SIK3: variants seen among roughly 807,000 people sequenced by gnomAD.
The protein encoded by SIK3 is serine/threonine-protein kinase SIK3.
In SIK3, 28 loss-of-function variants were observed where a neutral mutation model predicts 144.2. The ratio of observed to expected loss-of-function variants is 0.19; its 90% CI spans 0.14 to 0.27. SIK3 has a LOEUF of 0.27. Ranked by LOEUF, SIK3 falls within the 10% of genes least tolerant of loss-of-function variation. The pLI is 1.00. For missense variants in SIK3, 1,319 were observed against 1,776.0 expected (o/e 0.74, Z 4.62); for synonymous variants, 686 against 676.3 (o/e 1.01, Z -0.22).
intron 1 of SIK3, among the ~76,000 whole-genome samples, chr11:117,035,353 C>T (rs1352304652): frequency 2.0e-5 from 3 of 152,148 alleles, no homozygotes; most frequent in Non-Finnish European, 4.4e-5. Context: ...TCAACAATCA[C>T]TCCAAACTAA....
chr11:116,957,356 C>T (rs908204746), intron 1 of SIK3, among the ~76,000 whole-genome samples: 6 of 152,196 alleles, frequency 3.9e-5, no homozygotes, highest in Middle Eastern at 3.4e-3. Context: ...CCATAGATGT[C>T]GTTACGGTCT....
At chr11:117,002,178 A>G (rs1330152203) in intron 1 of SIK3, among the ~76,000 whole-genome samples, 1 of 152,232 alleles carries the variant, frequency 6.6e-6, no homozygotes, top group Non-Finnish European at 1.5e-5. Flanking sequence ...AAATCTAGAA[A>G]ACTTCTAGAC....
intron 1 of SIK3, among the ~76,000 whole-genome samples, chr11:117,043,674 A>ACTGTT (rs1952839805): frequency 6.6e-6 from 1 of 152,192 alleles, no homozygotes; most frequent in Non-Finnish European, 1.5e-5. Context: ...ATTCAACTGA[A>ACTGTT]CTGTTCAGCC....
chr11:116,887,689 A>C (rs944513531), intron 6 of SIK3, among the ~76,000 whole-genome samples: 6 of 152,122 alleles, frequency 3.9e-5, no homozygotes, highest in African/African-American at 1.4e-4. Flanking sequence ...ATTCAAAAAC[A>C]CTTACTGAAT....
At chr11:117,092,623 C>A (rs1955297388) in intron 1 of SIK3, among the ~76,000 whole-genome samples, 1 of 152,128 alleles carries the variant, frequency 6.6e-6, no homozygotes, top group South Asian at 2.1e-4. Context: ...ACTCCAGACC[C>A]TAGAATGGAA....
intron 1 of SIK3, among the ~76,000 whole-genome samples, chr11:116,972,161 A>T (rs1949786046): frequency 1.3e-5 from 2 of 152,110 alleles, no homozygotes; most frequent in African/African-American, 4.8e-5. Flanking sequence ...TGGAGTAGGT[A>T]CTATTATTCT....
intron 1 of SIK3, among the ~76,000 whole-genome samples, chr11:117,008,142 AG>A (rs1013053895): frequency 1.2e-4 from 18 of 152,046 alleles, no homozygotes; most frequent in African/African-American, 3.9e-4. Flanking sequence ...GTCTAACTGA[AG>A]AAAAAGCCTA....
At chr11:117,012,702 G>C (rs1001577436) in intron 1 of SIK3, among the ~76,000 whole-genome samples, 1 of 152,008 alleles carries the variant, frequency 6.6e-6, no homozygotes, top group Non-Finnish European at 1.5e-5. Flanking sequence ...GTCAACAAAA[G>C]GTTCTCTGTC....
At chr11:117,084,704 G>A (rs938257075) in intron 1 of SIK3, among the ~76,000 whole-genome samples, 8 of 152,064 alleles carry the variant, frequency 5.3e-5, no homozygotes, top group Admixed American at 1.3e-4. Flanking sequence ...AAGGAGATAC[G>A]TTTCTATGAA....
chr11:117,073,686 TTAACTATATAA>T (rs746250221), intron 1 of SIK3, among the ~76,000 whole-genome samples: 5 of 152,188 alleles, frequency 3.3e-5, no homozygotes, highest in Non-Finnish European at 7.3e-5. Flanking sequence ...CCAAATAGTA[TTAACTATATAA>T]TGAAAGCATG....
At chr11:116,971,826 C>T (rs1032575242) in intron 1 of SIK3, among the ~76,000 whole-genome samples, 7 of 152,054 alleles carry the variant, frequency 4.6e-5, no homozygotes, top group African/African-American at 1.7e-4. Flanking sequence ...TGGTGGCTCA[C>T]GCCTGTAATC....
intron 1 of SIK3, among the ~76,000 whole-genome samples, chr11:117,077,103 C>G (rs778755554): frequency 6.6e-6 from 1 of 152,204 alleles, no homozygotes; most frequent in Non-Finnish European, 1.5e-5. Flanking sequence ...TGACTGTGAG[C>G]TACAATCACA....
At chr11:116,902,346 C>G (rs1945779206) in intron 4 of SIK3, among the ~76,000 whole-genome samples, 1 of 152,190 alleles carries the variant, frequency 6.6e-6, no homozygotes, top group South Asian at 2.1e-4. Flanking sequence ...GGTGAAGGCA[C>G]AAACCTAATA....
At chr11:116,992,445 C>T (rs1565534794) in intron 1 of SIK3, among the ~76,000 whole-genome samples, 1 of 151,746 alleles carries the variant, frequency 6.6e-6, no homozygotes, top group Non-Finnish European at 1.5e-5. Flanking sequence ...ATATCCCATA[C>T]ACTCTACAGC....
At position 116,844,623 on chromosome 11, in the gene SIK3, A is replaced by ATGTG. The variant is rs1350325939; in HGVS notation, c.*1019_*1020insCACA. 766 of 55,260 alleles carry ATGTG rather than the reference A, an allele frequency of 0.014. 21 individuals carry two copies. Among genetic ancestry groups the ATGTG allele is most frequent in the African/African-American group, 0.032 (710 of 22,184 alleles). 3.4% of individuals were successfully genotyped at this position (55,260 alleles called of 1,614,324 possible). ...TATATATATATTATATATATAATAT[A>ATGTG]TATATAATATATTATATTATATATT... On this transcript the variant is annotated 3_prime_UTR_variant, in exon 25 of 25. Transcript: ENST00000445177.
At chr11:116,953,600 A>G (rs896238665) in intron 3 of SIK3, among the ~76,000 whole-genome samples, 1 of 152,252 alleles carries the variant, frequency 6.6e-6, no homozygotes, top group African/African-American at 2.4e-5. Context: ...ATGGTAAATA[A>G]TATAGTTACA....
Position 117,020,692 on chromosome 11 carries a change from G to C in SIK3, c.274-63628C>G, listed in dbSNP as rs150486265. Among the ~76,000 whole-genome samples, 8 of 152,278 alleles carry C rather than the reference G, an allele frequency of 5.3e-5. No individual in the cohort carries two copies. In the East Asian group the frequency reaches 1.4e-3, roughly 26 times the overall value. On this transcript the variant is annotated intron_variant, in intron 1 of 24. Coordinates refer to ENST00000445177, the MANE Select transcript of SIK3 (RefSeq NM_001366686.3). ...TGAAGAGGAACACATCCACTTGCTG[G>C]GAGGGTGAGGCACCCCAGCTCTACC...
intron 1 of SIK3, among the ~76,000 whole-genome samples, chr11:117,051,315 T>C (rs1288915910): frequency 1.3e-5 from 2 of 152,054 alleles, no homozygotes; most frequent in African/African-American, 4.8e-5. Context: ...GACTCCAACT[T>C]AATTACACCA....
At chr11:117,014,540 T>C (rs1315773284) in intron 1 of SIK3, among the ~76,000 whole-genome samples, 2 of 151,394 alleles carry the variant, frequency 1.3e-5, no homozygotes, top group Non-Finnish European at 2.9e-5. Flanking sequence ...AAAGACAAGC[T>C]ACAGAGGGGA....
Sources: gnomAD v4.1 joint callset for allele counts (sites outside exome capture counted in the v4.1 genomes callset) on GRCh38, gnomAD v4.1.1 for gene constraint, MANE v1.5 for transcripts, NCBI Gene and HGNC (gene_info 2026-07-23, HGNC 2026-07-21) for gene names.